HMBOX1: variants seen among roughly 807,000 people sequenced by gnomAD.
The protein encoded by HMBOX1 is homeobox containing 1, also known as homeobox-containing protein 1.
Under a neutral mutation model 54.5 loss-of-function variants are expected in HMBOX1, and 14 were observed. That is an observed-to-expected ratio of 0.26 (90% CI 0.17 to 0.40). The LOEUF (loss-of-function observed/expected upper bound fraction) is 0.40. Ranked by LOEUF, HMBOX1 falls within the 10% of genes least tolerant of loss-of-function variation. The probability of loss-of-function intolerance (pLI) is 1.00; values close to 1 mark genes in which losing one functional copy is unlikely to be tolerated. For missense variants in HMBOX1, 332 were observed against 514.4 expected (o/e 0.65, Z 3.43); for synonymous variants, 160 against 181.0 (o/e 0.88, Z 0.93).
chr8:28,899,054 T>A (rs1239971481), intron 1 of HMBOX1, among the ~76,000 whole-genome samples: 1 of 152,226 alleles, frequency 6.6e-6, no homozygotes, highest in South Asian at 2.1e-4. Context: ...TCTGCAAGGA[T>A]CAGTTTGCTG....
intron 1 of HMBOX1, among the ~76,000 whole-genome samples, chr8:28,893,696 A>G (rs1219118117): frequency 6.6e-6 from 1 of 152,318 alleles, no homozygotes; most frequent in Non-Finnish European, 1.5e-5. Context: ...TCATTGTTAC[A>G]TCATTTAAAA....
At chr8:28,900,305 T>C (rs997758633) in intron 1 of HMBOX1, among the ~76,000 whole-genome samples, 1 of 146,374 alleles carries the variant, frequency 6.8e-6, no homozygotes, top group Admixed American at 6.9e-5. Context: ...GTTTCCTGAG[T>C]TCTACCCCCA....
At chr8:28,969,791 C>G (rs558791334) in intron 2 of HMBOX1, among the ~76,000 whole-genome samples, 1 of 151,980 alleles carries the variant, frequency 6.6e-6, no homozygotes, top group South Asian at 2.1e-4. Context: ...TGATATTTAC[C>G]AAAATTGAGG....
At chr8:29,038,526 C>G (rs1804285549) in intron 6 of HMBOX1, among the ~76,000 whole-genome samples, 1 of 152,166 alleles carries the variant, frequency 6.6e-6, no homozygotes, top group Admixed American at 6.5e-5. Flanking sequence ...AGTCCAATAG[C>G]CAAGTTCTCC....
intron 5 of HMBOX1, among the ~76,000 whole-genome samples, chr8:29,014,921 C>T (rs1834780655): frequency 2.0e-5 from 3 of 152,184 alleles, no homozygotes; most frequent in African/African-American, 7.2e-5. Context: ...CTCAGGTGTT[C>T]CGCCCGCCTC....
intron 6 of HMBOX1, among the ~76,000 whole-genome samples, chr8:29,020,209 A>G (rs1477444484): frequency 3.3e-5 from 5 of 152,222 alleles, no homozygotes; most frequent in African/African-American, 1.2e-4. Context: ...AATAATGTCT[A>G]ACTTAAATTG....
intron 1 of HMBOX1, among the ~76,000 whole-genome samples, chr8:28,960,525 GTTTA>G (rs1451587543): frequency 2.0e-5 from 3 of 151,180 alleles, no homozygotes; most frequent in Non-Finnish European, 2.9e-5. Flanking sequence ...TTAAAATTAT[GTTTA>G]TTGATAATAT....
intron 1 of HMBOX1, among the ~76,000 whole-genome samples, chr8:28,944,138 CATT>C (rs553200584): frequency 2.4e-4 from 36 of 152,322 alleles, no homozygotes; most frequent in African/African-American, 8.2e-4. Flanking sequence ...TGCATATCAT[CATT>C]GTCTGTCTTC....
intron 5 of HMBOX1, among the ~76,000 whole-genome samples, chr8:29,015,694 G>A (rs1414391163): frequency 1.3e-5 from 2 of 152,218 alleles, no homozygotes; most frequent in South Asian, 2.1e-4. Context: ...TTTAAAGAAG[G>A]GTTTCAGTTT....
chr8:28,941,380 T>C (rs948240095), intron 1 of HMBOX1, among the ~76,000 whole-genome samples: 6 of 152,242 alleles, frequency 3.9e-5, no homozygotes, highest in African/African-American at 1.4e-4. Flanking sequence ...TACATAATTT[T>C]CTACCACTAG....
intron 4 of HMBOX1, among the ~76,000 whole-genome samples, chr8:28,982,841 G>T (rs1024431372): frequency 7.2e-5 from 11 of 151,988 alleles, no homozygotes; most frequent in African/African-American, 2.7e-4. Context: ...CCAGGCTGGT[G>T]TCGAACTCCT....
At chr8:29,004,775 G>A (rs879479645) in intron 4 of HMBOX1, among the ~76,000 whole-genome samples, 1 of 152,052 alleles carries the variant, frequency 6.6e-6, no homozygotes, top group Admixed American at 6.6e-5. Flanking sequence ...GTGGGAAGTA[G>A]GGGGAAAGTT....
chr8:28,956,114 A>C (rs113423598), intron 1 of HMBOX1, among the ~76,000 whole-genome samples: 2 of 152,190 alleles, frequency 1.3e-5, no homozygotes, highest in African/African-American at 4.8e-5. Flanking sequence ...ATTTCTTTCC[A>C]AATGATGTCA....
intron 1 of HMBOX1, among the ~76,000 whole-genome samples, chr8:28,892,975 G>A (rs1811335904): frequency 2.0e-5 from 3 of 152,028 alleles, no homozygotes; most frequent in Non-Finnish European, 4.4e-5. Flanking sequence ...TTTAAAAAAT[G>A]TTTAATAATT....
intron 5 of HMBOX1, among the ~76,000 whole-genome samples, chr8:29,010,637 G>A (rs1405416562): frequency 6.6e-6 from 1 of 151,712 alleles, no homozygotes; most frequent in African/African-American, 2.4e-5. Context: ...ATATATGTGT[G>A]TATTCAGCAT....
intron 6 of HMBOX1, among the ~76,000 whole-genome samples, chr8:29,024,272 A>G (rs76383426): frequency 0.01 from 1,527 of 152,336 alleles, 16 homozygotes; most frequent in Non-Finnish European, 0.017. Context: ...GTGCATTCAG[A>G]TGAGGGATAG....
chr8:28,989,136 G>T (rs965956162), intron 4 of HMBOX1, among the ~76,000 whole-genome samples: 1 of 152,072 alleles, frequency 6.6e-6, no homozygotes, highest in African/African-American at 2.4e-5. Context: ...GCCGGGCATG[G>T]TGGTGCTTGC....
At chr8:29,026,064 A>G (rs955376393) in intron 6 of HMBOX1, among the ~76,000 whole-genome samples, 2 of 151,712 alleles carry the variant, frequency 1.3e-5, no homozygotes, top group Non-Finnish European at 2.9e-5. Context: ...ACACACACAC[A>G]CACACACACA....
At chr8:28,951,688 T>C (rs374686098) in intron 1 of HMBOX1, among the ~76,000 whole-genome samples, 29 of 152,330 alleles carry the variant, frequency 1.9e-4, no homozygotes, top group Middle Eastern at 3.4e-3. Flanking sequence ...AAATTTAATA[T>C]ACAAAAAAAT....
Sources: gnomAD v4.1 joint callset for allele counts (sites outside exome capture counted in the v4.1 genomes callset) on GRCh38, gnomAD v4.1.1 for gene constraint, MANE v1.5 for transcripts, NCBI Gene and HGNC (gene_info 2026-07-23, HGNC 2026-07-21) for gene names.